Variants in CTRB1 observed in about 807,000 individuals in gnomAD.
CTRB1 encodes the protein chymotrypsinogen B1.
In CTRB1, 15 loss-of-function variants were observed where a neutral mutation model predicts 20.4. The observed-to-expected ratio is 0.74, with a 90% confidence interval of 0.49 to 1.13. CTRB1 has a LOEUF of 1.13. Among genes scored for constraint, CTRB1 ranks in the 50% most tolerant of loss-of-function variants. The probability of loss-of-function intolerance (pLI) is 0.00; values close to 1 mark genes in which losing one functional copy is unlikely to be tolerated. For synonymous variants in CTRB1, 92 were observed against 128.4 expected (o/e 0.72, Z 1.92); for missense variants, 227 against 290.1 (o/e 0.78, Z 1.58).
rs549990446 is a variant in CTRB1 at position 75,220,108 on chromosome 16, C to T, written c.52+1049C>T. On this transcript the variant is annotated intron_variant, in intron 1 of 6. Coordinates refer to ENST00000361017, the MANE Select transcript of CTRB1 (RefSeq NM_001906.6). Reference sequence around the variant, plus strand: ...GAGTGATCCTCCCACTATAGCCTCCCGAGTAGCTGGCGCTACAGGCACGCT... The same window carrying T: ...GAGTGATCCTCCCACTATAGCCTCCTGAGTAGCTGGCGCTACAGGCACGCT... Among the ~76,000 whole-genome samples, 6 of 152,110 alleles carry T rather than the reference C, an allele frequency of 3.9e-5. No individual in the cohort carries two copies. In the South Asian group the frequency reaches 8.3e-4, roughly 21 times the overall value.
At chr16:75,221,889 C>A (rs374823355) in intron 1 of CTRB1, among the ~76,000 whole-genome samples, 28 of 151,126 alleles carry the variant, frequency 1.9e-4, no homozygotes, top group African/African-American at 6.3e-4. Flanking sequence ...GGTGAAACCC[C>A]GTCTCTACTA....
At chr16:75,221,699 A>G (rs1161377339) in intron 1 of CTRB1, among the ~76,000 whole-genome samples, 5 of 150,720 alleles carry the variant, frequency 3.3e-5, no homozygotes, top group South Asian at 4.3e-4. Flanking sequence ...GACCGGATAT[A>G]TGGGGGCTCA....
intron 1 of CTRB1, among the ~76,000 whole-genome samples, chr16:75,220,300 C>T (rs1474086648): frequency 6.6e-6 from 1 of 152,164 alleles, no homozygotes; most frequent in Non-Finnish European, 1.5e-5. Flanking sequence ...TCTCCTGCCT[C>T]AGCCTACTGA....
intron 6 of CTRB1, among the ~76,000 whole-genome samples, chr16:75,224,461 C>T (rs1289476651): frequency 6.6e-6 from 1 of 152,234 alleles, no homozygotes; most frequent in Non-Finnish European, 1.5e-5. Context: ...GCTCTTCCTC[C>T]TATTGGTCAA....
chr16:75,219,074 C>T lies in CTRB1; in HGVS notation c.52+15C>T. 1.3e-6 allele frequency: 2 copies of T among 1,581,532 alleles called. No homozygotes were observed. The highest frequency in any genetic ancestry group is 1.7e-6 in the Non-Finnish European group (2 of 1,164,970). On this transcript the variant is annotated intron_variant, in intron 1 of 6. Transcript: ENST00000361017. ...GGCCGCCTTTGGTGAGTGCTGGTGC[C>T]CGAGGGGTCTGTCCTGAGGGAGCCC...
chr16:75,222,297 T>C (rs2039098362), intron 1 of CTRB1, among the ~76,000 whole-genome samples: 1 of 152,182 alleles, frequency 6.6e-6, no homozygotes, highest in South Asian at 2.1e-4. Context: ...CCTGGTGGAC[T>C]TGGGGTTATC....
chr16:75,220,079 G>A (rs2039060567), intron 1 of CTRB1, among the ~76,000 whole-genome samples: 1 of 152,168 alleles, frequency 6.6e-6, no homozygotes, highest in East Asian at 1.9e-4. Context: ...AAACTCAAGG[G>A]CTCGAGTGAT....
At chr16:75,221,221 C>T (rs1330877260) in intron 1 of CTRB1, among the ~76,000 whole-genome samples, 2 of 152,174 alleles carry the variant, frequency 1.3e-5, no homozygotes, top group African/African-American at 2.4e-5. Flanking sequence ...TTGGGTTGGC[C>T]CGCGCACAGG....
At chr16:75,224,652 G>C in intron 6 of CTRB1, 53 bp from the exon 7 acceptor site, 2 of 1,558,088 alleles carry the variant, frequency 1.3e-6, no homozygotes, top group East Asian at 2.2e-5. Context: ...GTGGCCCCTG[G>C]GACCAGTCTG....
chr16:75,219,311 G>C (rs1249283932), intron 1 of CTRB1, among the ~76,000 whole-genome samples: 2 of 152,162 alleles, frequency 1.3e-5, no homozygotes, highest in Admixed American at 6.5e-5. Context: ...TGCAGGGTAA[G>C]GTGTGGCCCC....
intron 6 of CTRB1, 138 bp downstream of exon 6, chr16:75,224,326 G>A: frequency 3.4e-6 from 5 of 1,491,826 alleles, no homozygotes; most frequent in Non-Finnish European, 4.5e-6. Flanking sequence ...AAATTCCATG[G>A]CCAATGTCAG....
chr16:75,220,278 G>C (rs1376640616), intron 1 of CTRB1, among the ~76,000 whole-genome samples: 1 of 152,142 alleles, frequency 6.6e-6, no homozygotes, highest in Non-Finnish European at 1.5e-5. Context: ...CCGCCTCCTG[G>C]GTTCAAGCAT....
chr16:75,221,081 G>A (rs1324136865), intron 1 of CTRB1, among the ~76,000 whole-genome samples: 1 of 152,166 alleles, frequency 6.6e-6, no homozygotes, highest in Non-Finnish European at 1.5e-5. Flanking sequence ...ACGTCAGGGA[G>A]GCACCTTGCC....
rs541694572 is a variant in CTRB1 at position 75,219,318 on chromosome 16, C to T, written c.52+259C>T. On this transcript the variant is annotated intron_variant, in intron 1 of 6. Coordinates refer to ENST00000361017, the MANE Select transcript of CTRB1 (RefSeq NM_001906.6). ...GTGCCTTGTGCAGGGTAAGGTGTGGCCCCAGGAGACCTCCCAAGGCCTCCA... is the reference window on the plus strand; with the variant it reads ...GTGCCTTGTGCAGGGTAAGGTGTGGTCCCAGGAGACCTCCCAAGGCCTCCA... 2.0e-5 allele frequency among the ~76,000 whole-genome samples: 3 copies of T among 152,110 alleles called. No individual in the cohort carries two copies. In the East Asian group the frequency reaches 5.8e-4, roughly 29 times the overall value.
Position 75,220,171 on chromosome 16 carries a change from T to G in CTRB1, c.52+1112T>G, listed in dbSNP as rs189345293. ...TTGTTTTGTTTTGTAGAGATGGAGG[T>G]TTTTTTTGTTATTTTTTTTTCTTTT... On this transcript the variant is annotated intron_variant, in intron 1 of 6. Coordinates refer to ENST00000361017, the MANE Select transcript of CTRB1 (RefSeq NM_001906.6). Among the ~76,000 whole-genome samples, 134 of 147,946 alleles carry G rather than the reference T, an allele frequency of 9.1e-4. 2 individuals carry two copies. The highest frequency in any genetic ancestry group is 6.9e-3 in the Admixed American group (104 of 15,020).
intron 1 of CTRB1, among the ~76,000 whole-genome samples, chr16:75,220,836 G>A (rs1054146027): frequency 1.3e-5 from 2 of 151,872 alleles, no homozygotes; most frequent in Admixed American, 6.6e-5. Context: ...TCGGCTCACT[G>A]CAACCTCCAC....
chr16:75,224,419 C>A (rs887870559), intron 6 of CTRB1, among the ~76,000 whole-genome samples: 2 of 152,212 alleles, frequency 1.3e-5, no homozygotes, highest in Admixed American at 6.5e-5. Flanking sequence ...GCCCTCCCTC[C>A]CTCACACGGA....
rs1130449 is a variant in CTRB1 at position 75,219,044 on chromosome 16, G to T, written c.37G>T (p.Val13Leu). Residue 13 changes from valine (V) to leucine (L), a missense_variant, in exon 1 of 7, where the codon GTG becomes TTG. This residue lies in a region of CTRB1 where 71 missense variants were observed against 69.1 expected (regional missense o/e 1.03). Transcript: ENST00000361017. ...SLWLLSCFSL[V>L]GAAFGCGVPA... ...CTGGCTCCTCTCCTGCTTCTCCCTT[G>T]TGGGGGCCGCCTTTGGTGAGTGCTG... is the stretch of plus-strand genomic sequence containing the variant. 2 of 1,592,964 alleles carry T rather than the reference G, an allele frequency of 1.3e-6. No homozygotes were observed. Among genetic ancestry groups the T allele is most frequent in the Non-Finnish European group, 8.5e-7 (1 of 1,171,102 alleles).
chr16:75,221,560 A>G (rs575688521), intron 1 of CTRB1, among the ~76,000 whole-genome samples: 3 of 151,884 alleles, frequency 2.0e-5, no homozygotes, highest in African/African-American at 4.8e-5. Context: ...GGGTTTTACT[A>G]TGTTGGCCAG....
Sources: allele counts gnomAD v4.1 joint callset (sites outside exome capture counted in the v4.1 genomes callset), GRCh38; gene constraint gnomAD v4.1.1; regional missense constraint gnomAD v4.1.1; transcripts MANE v1.5; gene names NCBI Gene and HGNC (gene_info 2026-07-23, HGNC 2026-07-21).